MBD5: variants seen among roughly 807,000 people sequenced by gnomAD.
The protein encoded by MBD5 is methyl-CpG-binding domain protein 5.
In MBD5, 13 loss-of-function variants were observed where a neutral mutation model predicts 117.3. That is an observed-to-expected ratio of 0.11 (90% CI 0.07 to 0.18). The LOEUF (loss-of-function observed/expected upper bound fraction) is 0.18. MBD5 is among the 10% of genes least tolerant of loss of function. The probability of loss-of-function intolerance (pLI) is 1.00; values close to 1 mark genes in which losing one functional copy is unlikely to be tolerated. For synonymous variants in MBD5, 727 were observed against 766.4 expected (o/e 0.95, Z 0.85); for missense variants, 1,879 against 2,093.8 (o/e 0.90, Z 2.00).
intron 1 of MBD5, among the ~76,000 whole-genome samples, chr2:148,093,413 A>G (rs1274854051): frequency 6.6e-6 from 1 of 152,080 alleles, no homozygotes; most frequent in African/African-American, 2.4e-5. Flanking sequence ...GTTATGTTTG[A>G]TTTTTACAGA....
At chr2:148,387,367 A>T (rs907209784) in intron 4 of MBD5, among the ~76,000 whole-genome samples, 3 of 152,172 alleles carry the variant, frequency 2.0e-5, no homozygotes, top group Non-Finnish European at 2.9e-5. Context: ...AATGAAAGAA[A>T]AAAAACCTCT....
intron 4 of MBD5, among the ~76,000 whole-genome samples, chr2:148,372,817 G>T (rs1011195819): frequency 1.3e-5 from 2 of 151,824 alleles, no homozygotes; most frequent in Non-Finnish European, 2.9e-5. Flanking sequence ...TAAATATCAT[G>T]AAAAAAAGAC....
intron 3 of MBD5, among the ~76,000 whole-genome samples, chr2:148,317,031 A>G (rs1386811267): frequency 3.9e-5 from 6 of 152,184 alleles, no homozygotes; most frequent in Admixed American, 3.9e-4. Context: ...AACTTAAACC[A>G]TGCTAAAAAG....
intron 3 of MBD5, among the ~76,000 whole-genome samples, chr2:148,320,103 A>G (rs757559015): frequency 6.6e-6 from 1 of 152,124 alleles, no homozygotes; most frequent in African/African-American, 2.4e-5. Context: ...CTACCTAATC[A>G]TGGTATGTTA....
At chr2:148,070,652 T>C (rs1249562802) in intron 1 of MBD5, among the ~76,000 whole-genome samples, 1 of 152,192 alleles carries the variant, frequency 6.6e-6, no homozygotes, top group Admixed American at 6.5e-5. Context: ...TTAAACTTCA[T>C]GCCATTCTGA....
intron 1 of MBD5, among the ~76,000 whole-genome samples, chr2:148,034,084 C>T (rs1694118946): frequency 6.6e-6 from 1 of 152,000 alleles, no homozygotes; most frequent in Admixed American, 6.6e-5. Context: ...AGTCCCAGGT[C>T]CTTTGGAGGC....
chr2:148,050,062 C>A (rs947838466), intron 1 of MBD5, among the ~76,000 whole-genome samples: 1 of 152,092 alleles, frequency 6.6e-6, no homozygotes, highest in African/African-American at 2.4e-5. Context: ...TTAACACATT[C>A]CTAGGAATGT....
Position 148,440,747 on chromosome 2 carries a change from G to A in MBD5, c.-556-17456G>A, listed in dbSNP as rs1408993865. On this transcript the variant is annotated intron_variant, in intron 4 of 13. Transcript: ENST00000642680. ...ATTAAAACGGAGTTTGGCAAGTGCC[G>A]TAACATACATGTAACACATGTAGGA... 4.6e-5 allele frequency among the ~76,000 whole-genome samples: 7 copies of A among 152,294 alleles called. No individual in the cohort carries two copies. In the South Asian group the frequency reaches 1.4e-3, roughly 32 times the overall value.
intron 8 of MBD5, among the ~76,000 whole-genome samples, chr2:148,482,809 TA>T (rs1329010599): frequency 6.6e-6 from 1 of 152,164 alleles, no homozygotes; most frequent in Non-Finnish European, 1.5e-5. Flanking sequence ...AAAAACAAGC[TA>T]TTTGATAGTC....
In MBD5 at chr2:148,446,602, C is replaced by CTG. The variant is rs1185100489; in HGVS notation, c.-556-11573_-556-11572dup. On this transcript the variant is annotated intron_variant, in intron 4 of 13. Coordinates refer to ENST00000642680, the MANE Select transcript of MBD5 (RefSeq NM_001378120.1). ...TTAATTTACATACCAGATTATTTAT[C>CTG]TGTGTGTGTGTGTGTGTGTGTGTGT... Among the ~76,000 whole-genome samples the CTG allele has an allele frequency of 5.5e-3, 826 of 148,886 alleles. 10 individuals are homozygous for CTG. The highest frequency in any genetic ancestry group is 0.018 in the African/African-American group (746 of 40,370).
At chr2:148,323,497 T>A (rs1044960950) in intron 3 of MBD5, among the ~76,000 whole-genome samples, 20 of 152,046 alleles carry the variant, frequency 1.3e-4, no homozygotes, top group Admixed American at 4.6e-4. Flanking sequence ...CCACATCCTC[T>A]CCAGCACCTG....
intron 1 of MBD5, among the ~76,000 whole-genome samples, chr2:148,047,051 A>G (rs904712307): frequency 6.6e-6 from 1 of 152,112 alleles, no homozygotes; most frequent in African/African-American, 2.4e-5. Context: ...CTTTATTCAC[A>G]TGCTGTCTTT....
chr2:148,464,096 A>G (rs1707182451), intron 7 of MBD5, among the ~76,000 whole-genome samples, 177 bp downstream of exon 7: 1 of 152,172 alleles, frequency 6.6e-6, no homozygotes, highest in Admixed American at 6.6e-5. Context: ...AAATATAGTG[A>G]GGTTATTTTC....
intron 3 of MBD5, among the ~76,000 whole-genome samples, chr2:148,239,870 C>T (rs1003242963): frequency 3.3e-5 from 5 of 152,002 alleles, no homozygotes; most frequent in East Asian, 1.9e-4. Context: ...GCTAATTTTT[C>T]GATTTTTTGT....
At chr2:148,401,494 G>A (rs1704920782) in intron 4 of MBD5, among the ~76,000 whole-genome samples, 1 of 152,030 alleles carries the variant, frequency 6.6e-6, no homozygotes, top group African/African-American at 2.4e-5. Flanking sequence ...GAAATCATGT[G>A]GGTCAAAATG....
intron 1 of MBD5, among the ~76,000 whole-genome samples, chr2:148,092,465 A>C (rs1574004677): frequency 6.6e-6 from 1 of 152,188 alleles, no homozygotes; most frequent in Non-Finnish European, 1.5e-5. Flanking sequence ...GTATGTATAT[A>C]CCATGGAATA....
At chr2:148,416,573 T>C (rs1434718023) in intron 4 of MBD5, among the ~76,000 whole-genome samples, 3 of 152,212 alleles carry the variant, frequency 2.0e-5, no homozygotes, top group African/African-American at 7.2e-5. Flanking sequence ...TCAAATTAAC[T>C]AGTCTTTTGT....
At chr2:148,450,568 G>A (rs919484455) in intron 4 of MBD5, among the ~76,000 whole-genome samples, 1 of 152,036 alleles carries the variant, frequency 6.6e-6, no homozygotes, top group African/African-American at 2.4e-5. Flanking sequence ...CTCTTTACAT[G>A]GTCTCTCATC....
chr2:148,214,968 G>T (rs149746426), intron 2 of MBD5, among the ~76,000 whole-genome samples: 1 of 152,134 alleles, frequency 6.6e-6, no homozygotes, highest in East Asian at 1.9e-4. Context: ...TGTCATTGTG[G>T]TAGTTAGTAG....
Sources: gnomAD v4.1 joint callset for allele counts (sites outside exome capture counted in the v4.1 genomes callset) on GRCh38, gnomAD v4.1.1 for gene constraint, MANE v1.5 for transcripts, NCBI Gene and HGNC (gene_info 2026-07-23, HGNC 2026-07-21) for gene names.